Variants in PDE1C observed in about 807,000 individuals in gnomAD.
PDE1C encodes the protein phosphodiesterase 1C, also known as dual specificity calcium/calmodulin-dependent 3',5'-cyclic nucleotide phosphodiesterase 1C.
PDE1C carries 62 observed loss-of-function variants against 93.1 expected under a neutral mutation model. That is an observed-to-expected ratio of 0.67 (90% confidence interval 0.54 to 0.82). PDE1C has a LOEUF of 0.82. Ranked by LOEUF, PDE1C falls within the 40% of genes least tolerant of loss-of-function variation. The pLI is 0.00. For synonymous variants in PDE1C, 325 were observed against 310.1 expected, an observed-to-expected ratio of 1.05 and a Z score of -0.50; for missense variants, 742 against 884.6, an observed-to-expected ratio of 0.84 and a Z score of 2.04.
At chr7:32,269,363 A>C (rs532783218) in intron 1 of PDE1C, among the ~76,000 whole-genome samples, 2 of 152,366 alleles carry the variant, frequency 1.3e-5, no homozygotes, top group Non-Finnish European at 2.9e-5. Flanking sequence ...ATAAGTTTAT[A>C]CTGGAATAAT....
At chr7:31,686,459 G>C in the PDE1C span, among the ~76,000 whole-genome samples, 1 of 152,130 alleles carries the variant, frequency 6.6e-6, no homozygotes, top group African/African-American at 2.4e-5. Context: ...ATTTTTTCTG[G>C]CCTGCACACT....
intron 17 of PDE1C, among the ~76,000 whole-genome samples, chr7:31,762,372 G>A (rs1418815113): frequency 4.6e-5 from 7 of 151,910 alleles, no homozygotes; most frequent in Non-Finnish European, 7.4e-5. Context: ...ATGGAGTCTC[G>A]CTCTGTCACC....
chr7:32,329,562 T>C (rs1039955585), intron 1 of PDE1C, among the ~76,000 whole-genome samples: 2 of 152,202 alleles, frequency 1.3e-5, no homozygotes, highest in African/African-American at 4.8e-5. Context: ...TTCCATTCAT[T>C]TGTCCAGTTT....
intron 2 of PDE1C, among the ~76,000 whole-genome samples, chr7:31,958,733 G>T (rs542508353): frequency 4.6e-5 from 7 of 152,108 alleles, no homozygotes; most frequent in African/African-American, 1.7e-4. Context: ...AATGATTTAG[G>T]CATATTAGAT....
chr7:32,345,136 A>T lies in PDE1C; in HGVS notation c.310+82686T>A, dbSNP rs369770038. 4.6e-5 allele frequency among the ~76,000 whole-genome samples: 7 copies of T among 152,238 alleles called. 1 individual carries two copies. The highest frequency in any genetic ancestry group is 1.9e-4 in the East Asian group (1 of 5,172). On this transcript the variant is annotated intron_variant, in intron 1 of 1. Coordinates refer to the PDE1C transcript ENST00000672256. Reference sequence around the variant, plus strand: ...AAAATTCCTCACACAGGGCCTCAGGATCCCCCATCCCTGAAATTTCCAGGT... The same window carrying T: ...AAAATTCCTCACACAGGGCCTCAGGTTCCCCCATCCCTGAAATTTCCAGGT...
chr7:31,969,565 A>T (rs1185512070), intron 2 of PDE1C, among the ~76,000 whole-genome samples: 1 of 152,222 alleles, frequency 6.6e-6, no homozygotes, highest in Admixed American at 6.5e-5. Flanking sequence ...TAGTTCAACC[A>T]TTGTGGAAGT....
intron 2 of PDE1C, among the ~76,000 whole-genome samples, chr7:31,967,270 A>C (rs930857483): frequency 6.6e-6 from 1 of 152,262 alleles, no homozygotes; most frequent in African/African-American, 2.4e-5. Flanking sequence ...AAAAGTGATA[A>C]AGGGGATATC....
intron 1 of PDE1C, among the ~76,000 whole-genome samples, chr7:32,213,206 G>C (rs1806179310): frequency 6.6e-6 from 1 of 152,080 alleles, no homozygotes; most frequent in Admixed American, 6.5e-5. Flanking sequence ...TTAAACAATT[G>C]TCAGCCCACA....
chr7:32,145,919 A>G (rs1001578855), intron 3 of PDE1C, among the ~76,000 whole-genome samples: 1 of 152,172 alleles, frequency 6.6e-6, no homozygotes, highest in East Asian at 1.9e-4. Context: ...TGCAGTAAAA[A>G]TAAATCAGTG....
At chr7:32,121,272 G>C (rs1799282883) in intron 3 of PDE1C, among the ~76,000 whole-genome samples, 1 of 152,128 alleles carries the variant, frequency 6.6e-6, no homozygotes, top group Non-Finnish European at 1.5e-5. Context: ...ACCTGAAGGA[G>C]ACAGGGAGAA....
chr7:31,800,446 T>C (rs1313046500), intron 16 of PDE1C, among the ~76,000 whole-genome samples: 1 of 151,604 alleles, frequency 6.6e-6, no homozygotes, highest in Non-Finnish European at 1.5e-5. Context: ...AAATTCCTTA[T>C]TTTGCATATG....
At chr7:32,034,652 C>T (rs1350715232) in intron 2 of PDE1C, among the ~76,000 whole-genome samples, 4 of 152,132 alleles carry the variant, frequency 2.6e-5, no homozygotes, top group African/African-American at 9.7e-5. Flanking sequence ...CTGATGTGAA[C>T]TTTAATGTAA....
the PDE1C span, among the ~76,000 whole-genome samples, chr7:31,704,002 T>C: frequency 6.6e-6 from 1 of 152,138 alleles, no homozygotes; most frequent in Non-Finnish European, 1.5e-5. Context: ...CAGATCTGGG[T>C]AACCAAGGCC....
the PDE1C span, chr7:31,652,741 C>T: frequency 6.2e-7 from 1 of 1,613,968 alleles, no homozygotes; most frequent in Non-Finnish European, 8.5e-7. Context: ...ACCAGGATGT[C>T]TCCTTCATCA....
chr7:31,977,961 C>T (rs2129056003), intron 2 of PDE1C, among the ~76,000 whole-genome samples: 1 of 152,146 alleles, frequency 6.6e-6, no homozygotes, highest in South Asian at 2.1e-4. Context: ...TTAAATTCTC[C>T]CTAGAACTCA....
chr7:31,799,668 T>C (rs1477339324), intron 16 of PDE1C, among the ~76,000 whole-genome samples: 8 of 151,744 alleles, frequency 5.3e-5, no homozygotes, highest in Non-Finnish European at 4.4e-5. Context: ...TGAAGAATTA[T>C]ATAATGTAGA....
At chr7:32,425,256 C>G (rs754835654) in intron 1 of PDE1C, among the ~76,000 whole-genome samples, 1 of 152,238 alleles carries the variant, frequency 6.6e-6, no homozygotes, top group East Asian at 1.9e-4. Context: ...CAGTAAAAGG[C>G]TACCTAGCTT....
intron 1 of PDE1C, among the ~76,000 whole-genome samples, chr7:32,354,722 C>A (rs1237280345): frequency 6.7e-6 from 1 of 150,312 alleles, no homozygotes; most frequent in African/African-American, 2.5e-5. Context: ...TCAGTCATTG[C>A]CACTCATGTG....
At chr7:31,835,467 A>AC (rs1317133790) in intron 11 of PDE1C, among the ~76,000 whole-genome samples, 5 of 151,966 alleles carry the variant, frequency 3.3e-5, no homozygotes, top group African/African-American at 9.7e-5. Flanking sequence ...AAGAGAATTA[A>AC]CCATAAACTA....
Sources: allele counts gnomAD v4.1 joint callset (sites outside exome capture counted in the v4.1 genomes callset), GRCh38; gene constraint gnomAD v4.1.1; transcripts MANE v1.5; gene names NCBI Gene and HGNC (gene_info 2026-07-23, HGNC 2026-07-21).